The following ZNF682 variants were observed in gnomAD, a reference collection of about 807,000 sequenced individuals.
The protein encoded by ZNF682 is zinc finger protein 682.
In ZNF682, 29 loss-of-function variants were observed where a neutral mutation model predicts 36.5. The ratio of observed to expected loss-of-function variants is 0.80; its 90% CI spans 0.59 to 1.08. The LOEUF (loss-of-function observed/expected upper bound fraction) is 1.08, where lower values mean the gene tolerates loss of function less well. Among genes scored for constraint, ZNF682 ranks in the 50% least tolerant of loss-of-function variants. The pLI is 0.00. For synonymous variants in ZNF682, 180 were observed against 197.0 expected, an observed-to-expected ratio of 0.91 and a Z score of 0.72; for missense variants, 561 against 579.7, an observed-to-expected ratio of 0.97 and a Z score of 0.33.
intron 3 of ZNF682, among the ~76,000 whole-genome samples, chr19:20,021,538 T>C (rs1233740365): frequency 6.6e-6 from 1 of 152,168 alleles, no homozygotes; most frequent in Non-Finnish European, 1.5e-5. Flanking sequence ...GGTTAACAGA[T>C]GCATTCATTA....
chr19:20,032,451 G>C (rs780330801), intron 1 of ZNF682, among the ~76,000 whole-genome samples: 1 of 152,146 alleles, frequency 6.6e-6, no homozygotes, highest in Non-Finnish European at 1.5e-5. Flanking sequence ...CTCTACAAGG[G>C]ACTATAGATC....
intron 1 of ZNF682, among the ~76,000 whole-genome samples, chr19:20,027,923 ACAC>A (rs2088446554): frequency 6.6e-6 from 1 of 152,100 alleles, no homozygotes; most frequent in South Asian, 2.1e-4. Context: ...TGTCTCACAC[ACAC>A]AAAAAGGCTG....
intron 3 of ZNF682, among the ~76,000 whole-genome samples, chr19:20,018,284 G>A (rs1165942150): frequency 6.6e-6 from 1 of 150,770 alleles, no homozygotes; most frequent in Non-Finnish European, 1.5e-5. Flanking sequence ...TAGTAGAGAC[G>A]GGGTTTCACC....
At chr19:20,015,404 C>T in intron 3 of ZNF682, 1 of 984,988 alleles carries the variant, frequency 1.0e-6, no homozygotes, top group South Asian at 4.7e-5. Flanking sequence ...TCATATCTGA[C>T]TTTTGCCTCA....
chr19:19,997,375 T>C (rs924416127), intron 3 of ZNF682: 8 of 397,344 alleles, frequency 2.0e-5, no homozygotes, highest in Non-Finnish European at 3.5e-5. Flanking sequence ...ACCTCAATGG[T>C]TTCACATACC....
At chr19:20,018,573 T>C (rs2122348534) in intron 3 of ZNF682, among the ~76,000 whole-genome samples, 1 of 152,288 alleles carries the variant, frequency 6.6e-6, no homozygotes, top group East Asian at 1.9e-4. Context: ...ATTAAGCACG[T>C]GTGTACATAA....
chr19:20,026,062 G>A (rs2088428589), intron 1 of ZNF682, among the ~76,000 whole-genome samples: 3 of 152,142 alleles, frequency 2.0e-5, no homozygotes, highest in Non-Finnish European at 2.9e-5. Context: ...CAGCACTTTG[G>A]GAGGCTGAGG....
intron 1 of ZNF682, 122 bp downstream of exon 1, chr19:20,039,221 G>C: frequency 3.4e-6 from 5 of 1,491,886 alleles, no homozygotes; most frequent in Non-Finnish European, 4.5e-6. Context: ...GTGCCTGCCG[G>C]GGACTCCAGT....
rs184231713 is a variant in ZNF682 at position 20,035,506 on chromosome 19, G to A, written c.3+3837C>T. On this transcript the variant is annotated intron_variant, in intron 1 of 3. Transcript: ENST00000397165. ...CCTAAATTCCTGGGATTACAGGTGT[G>A]AGCCACCGCACCTGGCCTATTTTCT... is the stretch of plus-strand genomic sequence containing the variant. Among the ~76,000 whole-genome samples, 293 of 152,102 alleles carry A rather than the reference G, an allele frequency of 1.9e-3. 1 individual carries two copies. Among genetic ancestry groups the A allele is most frequent in the Non-Finnish European group, 3.5e-3 (237 of 68,000 alleles).
chr19:20,000,594 T>C (rs111943466), downstream of ZNF682, among the ~76,000 whole-genome samples: 8 of 152,312 alleles, frequency 5.3e-5, no homozygotes, highest in African/African-American at 9.6e-5. Flanking sequence ...TGTGGGTCTG[T>C]CATTTTCATA....
At chr19:20,001,089 C>G (rs796900463), downstream of ZNF682, among the ~76,000 whole-genome samples, 1 of 152,186 alleles carries the variant, frequency 6.6e-6, no homozygotes, top group Non-Finnish European at 1.5e-5. Flanking sequence ...GGCCTTCATT[C>G]GTCCCAGTGG....
chr19:20,002,714 GGT>G (rs2088176590), downstream of ZNF682, among the ~76,000 whole-genome samples: 1 of 152,074 alleles, frequency 6.6e-6, no homozygotes, highest in African/African-American at 2.4e-5. Context: ...TATTACACAT[GGT>G]AGTGCTTTTC....
At position 20,006,359 on chromosome 19, in the gene ZNF682, G is replaced by A; in HGVS notation, c.1143C>T (p.Phe381=). Residue 381 remains phenylalanine (F), a synonymous_variant, in exon 4 of 4, where the codon TTC becomes TTT. Coordinates refer to ENST00000397165, the MANE Select transcript of ZNF682 (RefSeq NM_033196.3). ...TTCTCTTGTGTTTAGTAAGGTATGA[G>A]AACCTCTTAAAGACTTTGTCACATT... ...CEKCDKVFKR[F]SYLTKHKRIH... The A allele has an allele frequency of 1.2e-6, 2 of 1,613,284 alleles. No homozygotes were observed. The highest frequency in any genetic ancestry group is 1.7e-6 in the Non-Finnish European group (2 of 1,179,928).
chr19:20,003,765 T>C (rs1019348526), downstream of ZNF682, among the ~76,000 whole-genome samples: 1 of 151,578 alleles, frequency 6.6e-6, no homozygotes, highest in African/African-American at 2.4e-5. Context: ...AAGTAAAACC[T>C]AGATTTACTT....
chr19:20,039,433 C>A lies in ZNF682; in HGVS notation c.-88G>T. On this transcript the variant is annotated 5_prime_UTR_variant, in exon 1 of 4. Coordinates refer to ENST00000397165, the MANE Select transcript of ZNF682 (RefSeq NM_033196.3). ...GGGCAACAGAGGCTGCGACAGTCAC[C>A]GGGAACTACTAGAGCAGAGGATACT... 1.3e-6 allele frequency: 2 copies of A among 1,574,878 alleles called. No individual in the cohort carries two copies. Among genetic ancestry groups the A allele is most frequent in the South Asian group, 1.1e-5 (1 of 89,772 alleles).
downstream of ZNF682, among the ~76,000 whole-genome samples, chr19:20,001,564 G>T (rs796475604): frequency 6.6e-6 from 1 of 152,166 alleles, no homozygotes; most frequent in African/African-American, 2.4e-5. Flanking sequence ...AGGGAATATT[G>T]TGTGTGTGTA....
At chr19:20,027,296 C>T (rs765494843) in intron 1 of ZNF682, among the ~76,000 whole-genome samples, 16 of 152,360 alleles carry the variant, frequency 1.1e-4, no homozygotes, top group Non-Finnish European at 1.9e-4. Flanking sequence ...ATTTCAGGAA[C>T]AGTGAGCTTC....
intron 1 of ZNF682, among the ~76,000 whole-genome samples, chr19:20,036,162 T>C (rs933032544): frequency 6.6e-6 from 1 of 152,218 alleles, no homozygotes; most frequent in Non-Finnish European, 1.5e-5. Context: ...GGTCTTGCTA[T>C]CGCAGCATAA....
In ZNF682 at chr19:20,039,366, G is replaced by A; in HGVS notation, c.-21C>T. The A allele has an allele frequency of 6.2e-7, 1 of 1,611,564 alleles. No individual in the cohort carries two copies. Among genetic ancestry groups the A allele is most frequent in the Non-Finnish European group, 8.5e-7 (1 of 1,179,852 alleles). ...ACCATTTTTCGGCTTCCGGGATGTC[G>A]TGGAGTCTTAGCTCTGGATCTCACA... On this transcript the variant is annotated 5_prime_UTR_variant, in exon 1 of 4. It adds an upstream start codon to the 5' untranslated region. Transcript: ENST00000397165.
Sources: allele counts gnomAD v4.1 joint callset (sites outside exome capture counted in the v4.1 genomes callset), GRCh38; gene constraint gnomAD v4.1.1; transcripts MANE v1.5; gene names NCBI Gene and HGNC (gene_info 2026-07-23, HGNC 2026-07-21).